GRK4: variants seen among roughly 807,000 people sequenced by gnomAD.
GRK4 encodes G protein-coupled receptor kinase 4.
GRK4 carries 73 observed loss-of-function variants against 77.9 expected under a neutral mutation model. The ratio of observed to expected loss-of-function variants is 0.94; its 90% CI spans 0.78 to 1.14. The LOEUF (loss-of-function observed/expected upper bound fraction) is 1.14. Among genes scored for constraint, GRK4 ranks in the 50% most tolerant of loss-of-function variants. GRK4 has a pLI of 0.00. For missense variants in GRK4, 729 were observed against 700.2 expected, an observed-to-expected ratio of 1.04 and a Z score of -0.46; for synonymous variants, 257 against 254.4, an observed-to-expected ratio of 1.01 and a Z score of -0.10.
chr4:3,010,468 C>T (rs1376585057), intron 7 of GRK4, among the ~76,000 whole-genome samples: 2 of 152,116 alleles, frequency 1.3e-5, no homozygotes, highest in African/African-American at 2.4e-5. Context: ...CTCGGGTGAT[C>T]CGCCCTCCTC....
intron 1 of GRK4, among the ~76,000 whole-genome samples, chr4:2,976,892 G>C (rs748507940): frequency 2.6e-5 from 4 of 152,062 alleles, no homozygotes; most frequent in Non-Finnish European, 4.4e-5. Context: ...GTCCACCCCG[G>C]TCTCCCAAAG....
chr4:3,023,447 C>G (rs1259970107), intron 10 of GRK4, among the ~76,000 whole-genome samples: 1 of 152,158 alleles, frequency 6.6e-6, no homozygotes, highest in African/African-American at 2.4e-5. Context: ...AGAGGACAGG[C>G]GTCTAAGGCG....
intron 7 of GRK4, 58 bp downstream of exon 7, chr4:3,009,769 T>TGGGTGGG (rs1319997096): frequency 7.8e-6 from 10 of 1,287,186 alleles, no homozygotes; most frequent in Non-Finnish European, 1.0e-5. Context: ...AGCAAGGTCC[T>TGGGTGGG]GAGAACATGG....
At chr4:3,000,544 T>TTTTTCTTTTCTTTTC (rs755931695) in intron 4 of GRK4, among the ~76,000 whole-genome samples, 33 of 130,470 alleles carry the variant, frequency 2.5e-4, no homozygotes, top group African/African-American at 9.3e-4. Context: ...TTTTCTTTCT[T>TTTTTCTTTTCTTTTC]TTTTCTTTTC....
intron 13 of GRK4, among the ~76,000 whole-genome samples, chr4:3,035,892 C>A (rs888185801): frequency 6.6e-6 from 1 of 152,186 alleles, no homozygotes; most frequent in African/African-American, 2.4e-5. Flanking sequence ...CAGACCTCAG[C>A]GGTGCTCTAG....
intron 9 of GRK4, among the ~76,000 whole-genome samples, chr4:3,021,897 C>T (rs182933734): frequency 6.6e-6 from 1 of 152,180 alleles, no homozygotes; most frequent in Non-Finnish European, 1.5e-5. Context: ...ACCATGTCTG[C>T]CCCATCCACC....
intron 1 of GRK4, 92 bp downstream of exon 1, chr4:2,964,214 G>A: frequency 4.8e-6 from 5 of 1,036,450 alleles, no homozygotes; most frequent in Non-Finnish European, 5.5e-6. Flanking sequence ...GACATCCCCG[G>A]AGAACCCCGA....
At chr4:3,014,484 A>G (rs1733882256) in intron 8 of GRK4, among the ~76,000 whole-genome samples, 1 of 151,292 alleles carries the variant, frequency 6.6e-6, no homozygotes, top group South Asian at 2.1e-4. Context: ...TTTTATTTTT[A>G]TTCTTATTTT....
chr4:2,973,769 G>T (rs1720293054), intron 1 of GRK4, among the ~76,000 whole-genome samples: 1 of 152,156 alleles, frequency 6.6e-6, no homozygotes, highest in African/African-American at 2.4e-5. Flanking sequence ...CAGCACAGCA[G>T]CCAGAGTGGT....
At chr4:2,986,322 T>A (rs1403159751) in intron 2 of GRK4, among the ~76,000 whole-genome samples, 2 of 151,272 alleles carry the variant, frequency 1.3e-5, no homozygotes, top group African/African-American at 2.4e-5. Flanking sequence ...CTAATTCATT[T>A]ATAAAAGTTC....
At chr4:3,038,098 C>T (rs1741337770) in intron 14 of GRK4, among the ~76,000 whole-genome samples, 1 of 152,182 alleles carries the variant, frequency 6.6e-6, no homozygotes, top group Non-Finnish European at 1.5e-5. Context: ...ACCCCGAGCC[C>T]CACTCCCTAA....
intron 12 of GRK4, among the ~76,000 whole-genome samples, chr4:3,030,573 G>C (rs1478069000): frequency 1.3e-5 from 2 of 152,160 alleles, no homozygotes; most frequent in Non-Finnish European, 2.9e-5. Context: ...CAAATGCATA[G>C]ACGTGTGGGC....
intron 4 of GRK4, among the ~76,000 whole-genome samples, chr4:2,999,835 GA>G (rs941497394): frequency 6.6e-6 from 1 of 152,094 alleles, no homozygotes. Context: ...ATCAAGAAGT[GA>G]AAACATAACC....
At chr4:2,999,161 G>A (rs962538485) in intron 4 of GRK4, among the ~76,000 whole-genome samples, 13 of 152,140 alleles carry the variant, frequency 8.5e-5, no homozygotes, top group Admixed American at 2.6e-4. Context: ...TCTGAAAGCC[G>A]GAAGTCCAAG....
chr4:3,040,284 T>C (rs1447226602), intron 15 of GRK4, among the ~76,000 whole-genome samples: 1 of 151,914 alleles, frequency 6.6e-6, no homozygotes, highest in Non-Finnish European at 1.5e-5. Context: ...CTGCTAAAAA[T>C]ACAAAACTTA....
intron 2 of GRK4, among the ~76,000 whole-genome samples, chr4:2,987,661 C>T (rs1162058048): frequency 6.6e-6 from 1 of 152,134 alleles, no homozygotes; most frequent in Non-Finnish European, 1.5e-5. Flanking sequence ...GAATTGTTGG[C>T]CAGGCGCAGT....
Position 2,968,271 on chromosome 4 carries a change from C to T in GRK4, c.52+4149C>T, listed in dbSNP as rs575573048. ...CAAATGCAGAGAGGAATACGTAATA[C>T]GTGCATTTAATGTGGGTTTTGGTCT... On this transcript the variant is annotated intron_variant, in intron 1 of 15. Transcript: ENST00000398052. Among the ~76,000 whole-genome samples the T allele has an allele frequency of 5.9e-5, 9 of 152,200 alleles. No individual in the cohort carries two copies. The South Asian group carries it at 1.0e-3, about 18-fold the overall frequency.
At chr4:3,000,563 TCTTTTCTTTTC>T (rs1408490277) in intron 4 of GRK4, among the ~76,000 whole-genome samples, 8 of 121,242 alleles carry the variant, frequency 6.6e-5, no homozygotes, top group African/African-American at 3.0e-4. Flanking sequence ...TCTTTTCTTT[TCTTTTCTTTTC>T]TTTTTTTTTT....
At chr4:2,996,190 A>C (rs920528595) in intron 4 of GRK4, among the ~76,000 whole-genome samples, 1 of 152,214 alleles carries the variant, frequency 6.6e-6, no homozygotes, top group East Asian at 1.9e-4. Flanking sequence ...ATGTGGACAC[A>C]AAAGGGGGCA....
Sources: gnomAD v4.1 joint callset for allele counts (sites outside exome capture counted in the v4.1 genomes callset) on GRCh38, gnomAD v4.1.1 for gene constraint, MANE v1.5 for transcripts, NCBI Gene and HGNC (gene_info 2026-07-23, HGNC 2026-07-21) for gene names.